FGD5: variants seen among roughly 807,000 people sequenced by gnomAD.
FGD5 encodes the protein FYVE, RhoGEF and PH domain containing 5, also known as FYVE, RhoGEF and PH domain-containing protein 5.
FGD5 carries 28 observed loss-of-function variants against 133.4 expected under a neutral mutation model. The observed-to-expected ratio is 0.21, with a 90% CI of 0.16 to 0.29. The LOEUF is 0.29. FGD5 is among the 10% of genes least tolerant of loss of function. The pLI is 1.00. For missense variants in FGD5, 1,858 were observed against 1,895.2 expected (o/e 0.98, Z 0.36); for synonymous variants, 810 against 776.5 (o/e 1.04, Z -0.72).
At chr3:14,899,646 A>G (rs759235400) in intron 7 of FGD5, among the ~76,000 whole-genome samples, 2 of 152,252 alleles carry the variant, frequency 1.3e-5, no homozygotes, top group Non-Finnish European at 2.9e-5. Context: ...CCCATGCTGG[A>G]TGCTGGAGAT....
At position 14,819,007 on chromosome 3, in the gene FGD5, C is replaced by T. The variant is rs186619585; in HGVS notation, c.-65C>T. ...AAGCCAAAGACTACCAGTCCACTGA[C>T]GCCAGTGACCGCGCCCAAATTCCCT... On this transcript the variant is annotated 5_prime_UTR_variant, in exon 1 of 20. The change creates a new upstream start codon in the 5' untranslated region. Coordinates refer to ENST00000285046, the MANE Select transcript of FGD5 (RefSeq NM_152536.4). The surrounding 1 kb of genome is among the most constrained non-coding windows in gnomAD (Gnocchi z 4.1). 24 of 1,478,674 alleles carry T rather than the reference C, an allele frequency of 1.6e-5. No individual in the cohort carries two copies. Among genetic ancestry groups the T allele is most frequent in the African/African-American group, 2.8e-5 (2 of 70,540 alleles). The allele number at this position is 1,478,674 out of a possible 1,614,324, so 91.6% of individuals were successfully genotyped here. A position where few individuals can be genotyped will look rare whatever the true frequency, so the allele number is the denominator to read the frequency against.
chr3:14,880,831 A>G, intron 4 of FGD5, 59 bp downstream of exon 4: 5 of 1,589,212 alleles, frequency 3.1e-6, no homozygotes, highest in Non-Finnish European at 4.3e-6. Flanking sequence ...CTGTGATATA[A>G]GAGGCAGGAA....
In FGD5 at chr3:14,819,023, C is replaced by G. The variant is rs1026696424; in HGVS notation, c.-49C>G. ...GTCCACTGACGCCAGTGACCGCGCC[C>G]AAATTCCCTTCCTCAGCCAGGCCCG... On this transcript the variant is annotated 5_prime_UTR_variant, in exon 1 of 20. Transcript: ENST00000285046. This position sits in a 1 kb window ranked among gnomAD's most constrained non-coding sequence, Gnocchi z 4.1. 3 of 1,494,944 alleles carry G rather than the reference C, an allele frequency of 2.0e-6. No individual in the cohort carries two copies. Among genetic ancestry groups the G allele is most frequent in the African/African-American group, 2.8e-5 (2 of 70,790 alleles). The allele number at this position is 1,494,944 out of a possible 1,614,324, so 92.6% of individuals were successfully genotyped here.
chr3:14,842,071 A>G (rs753845591), intron 1 of FGD5, among the ~76,000 whole-genome samples: 10 of 152,218 alleles, frequency 6.6e-5, no homozygotes, highest in Non-Finnish European at 1.0e-4. Flanking sequence ...AAATAGAACT[A>G]CACGTCCCCA....
At chr3:14,862,955 G>A (rs577196572) in intron 1 of FGD5, among the ~76,000 whole-genome samples, 4 of 152,276 alleles carry the variant, frequency 2.6e-5, no homozygotes, top group African/African-American at 9.6e-5. Context: ...TGGCTCCTAT[G>A]AAAGATACTT....
intron 16 of FGD5, among the ~76,000 whole-genome samples, chr3:14,923,632 G>C (rs1471876459): frequency 6.6e-6 from 1 of 152,212 alleles, no homozygotes; most frequent in Non-Finnish European, 1.5e-5. Flanking sequence ...CAGTGCTGAA[G>C]GGACAGGCCT....
chr3:14,850,673 A>G (rs1164741423), intron 1 of FGD5, among the ~76,000 whole-genome samples: 1 of 152,152 alleles, frequency 6.6e-6, no homozygotes, highest in Non-Finnish European at 1.5e-5. Context: ...AGGAACTTTA[A>G]TATAGGAACG....
At chr3:14,918,702 A>G in intron 12 of FGD5, 52 bp from the exon 13 acceptor site, 1 of 1,577,922 alleles carries the variant, frequency 6.3e-7, no homozygotes, top group Non-Finnish European at 8.7e-7. Flanking sequence ...AAGCCGGTCT[A>G]CACTTGCCCC....
At chr3:14,924,246 T>G in intron 17 of FGD5, 108 bp downstream of exon 17, 6 of 1,528,122 alleles carry the variant, frequency 3.9e-6, no homozygotes, top group Non-Finnish European at 5.4e-6. Context: ...GACCAGTCTC[T>G]TCCAGACAGA....
At chr3:14,880,538 C>A (rs1235324723) in intron 2 of FGD5, 34 bp from the exon 3 acceptor site, 4 of 1,609,140 alleles carry the variant, frequency 2.5e-6, no homozygotes, top group Admixed American at 3.3e-5. Context: ...CCACTGATGC[C>A]TGTCCCACCT....
At chr3:14,871,697 T>TG (rs1297344182) in intron 2 of FGD5, among the ~76,000 whole-genome samples, 1 of 152,044 alleles carries the variant, frequency 6.6e-6, no homozygotes. Context: ...CTGAGGTCCT[T>TG]GGGGGGCTTG....
chr3:14,844,218 ATATATATATATATATATATATATATATAT>A (rs1208816826), intron 1 of FGD5, among the ~76,000 whole-genome samples: 466 of 21,690 alleles, frequency 0.021, 46 homozygotes, highest in Admixed American at 0.036. Context: ...AAAAAAAAAA[ATATATATATATATATATATATATATATAT>A]ATATATATAT....
chr3:14,910,407 A>G (rs1431195722), intron 10 of FGD5, among the ~76,000 whole-genome samples: 1 of 152,060 alleles, frequency 6.6e-6, no homozygotes, highest in African/African-American at 2.4e-5. Context: ...TGATTTTCAG[A>G]ATTTTGTGAG....
chr3:14,890,995 A>G (rs17040514), intron 4 of FGD5, among the ~76,000 whole-genome samples: 4,622 of 152,294 alleles, frequency 0.03, 246 homozygotes, highest in East Asian at 0.22. Context: ...CCAATACCCT[A>G]TCTAGCATCT....
intron 13 of FGD5, 50 bp downstream of exon 13, chr3:14,918,883 G>T: frequency 1.3e-6 from 2 of 1,595,002 alleles, no homozygotes; most frequent in Non-Finnish European, 1.7e-6. Context: ...GTGTGAGCAT[G>T]GGAAGGTTCA....
chr3:14,866,634 T>TA (rs2037498641), intron 2 of FGD5, among the ~76,000 whole-genome samples: 1 of 152,158 alleles, frequency 6.6e-6, no homozygotes, highest in African/African-American at 2.4e-5. Context: ...TCAGAATAGT[T>TA]ACGAAGGTAA....
chr3:14,815,402 T>C (rs183345465), upstream of FGD5, among the ~76,000 whole-genome samples: 6 of 152,210 alleles, frequency 3.9e-5, no homozygotes, highest in African/African-American at 1.4e-4. Context: ...TATCATCATC[T>C]AGCATATGAT....
rs188052572 is a variant in FGD5 at position 14,875,909 on chromosome 3, G to A, written c.2659-4663G>A. 9.8e-5 allele frequency among the ~76,000 whole-genome samples: 15 copies of A among 152,288 alleles called. No homozygotes were observed. The South Asian group carries it at 1.2e-3, about 13-fold the overall frequency. On this transcript the variant is annotated intron_variant, in intron 2 of 19. Transcript: ENST00000285046. ...GCAGGGGGACAGGTGTGAACTGATG[G>A]GGGTGTGTGCCGAGCCAGACACAGA...
intron 13 of FGD5, among the ~76,000 whole-genome samples, chr3:14,920,694 C>T (rs941192142): frequency 1.2e-4 from 18 of 152,188 alleles, no homozygotes; most frequent in African/African-American, 3.6e-4. Context: ...AGGCCCCAGA[C>T]GCCGCCGTGA....
Sources: gnomAD v4.1 joint callset for allele counts (sites outside exome capture counted in the v4.1 genomes callset) on GRCh38, gnomAD v4.1.1 for gene constraint, Gnocchi (gnomAD v3.1) non-coding constraint, MANE v1.5 for transcripts, NCBI Gene and HGNC (gene_info 2026-07-23, HGNC 2026-07-21) for gene names.